The following ATRNL1 variants were observed in gnomAD, a reference collection of about 807,000 sequenced individuals.
ATRNL1 encodes the protein attractin-like protein 1.
Under a neutral mutation model 182.7 loss-of-function variants are expected in ATRNL1, and 95 were observed. That is an observed-to-expected ratio of 0.52 (90% CI 0.44 to 0.62). The LOEUF is 0.62. Among genes scored for constraint, ATRNL1 ranks in the 20% least tolerant of loss-of-function variants. ATRNL1 has a pLI of 0.00. For synonymous variants in ATRNL1, 576 were observed against 568.3 expected, an observed-to-expected ratio of 1.01 and a Z score of -0.19; for missense variants, 1,471 against 1,679.5, an observed-to-expected ratio of 0.88 and a Z score of 2.17.
intron 26 of ATRNL1, among the ~76,000 whole-genome samples, chr10:115,585,811 T>G (rs1268624721): frequency 1.5e-5 from 1 of 68,746 alleles, no homozygotes; most frequent in African/African-American, 6.5e-5. Context: ...ATTAGCTGGT[T>G]ATTTTGCTGG....
Position 115,308,734 on chromosome 10 carries a change from A to G in ATRNL1, c.2818+6691A>G, listed in dbSNP as rs138124812. On this transcript the variant is annotated intron_variant, in intron 17 of 28. Coordinates refer to ENST00000355044, the MANE Select transcript of ATRNL1 (RefSeq NM_207303.4). ...GCATAAGGTTTCTCATATATTATCT[A>G]TTTTGCTGTGTAGAAGCTTTTGAGT... Among the ~76,000 whole-genome samples, 1,269 of 151,978 alleles carry G rather than the reference A, an allele frequency of 8.3e-3. 13 individuals carry two copies. The highest frequency in any genetic ancestry group is 0.017 in the South Asian group (84 of 4,810).
In ATRNL1 at chr10:115,535,640, G is replaced by A. The variant is rs150270832; in HGVS notation, c.3717-13818G>A. On this transcript the variant is annotated intron_variant, in intron 25 of 28. Coordinates refer to ENST00000355044, the MANE Select transcript of ATRNL1 (RefSeq NM_207303.4). Reference sequence around the variant, plus strand: ...GTCATTCTCCGTCCAGCTTTGTTCCGTTGCTGGTGAGGAACTGCGTTCGTT... The same window carrying A: ...GTCATTCTCCGTCCAGCTTTGTTCCATTGCTGGTGAGGAACTGCGTTCGTT... Among the ~76,000 whole-genome samples, 429 of 152,218 alleles carry A rather than the reference G, an allele frequency of 2.8e-3. 4 individuals are homozygous for A. In the East Asian group the frequency reaches 0.038, roughly 13 times the overall value.
At chr10:115,849,378 C>A (rs1951001580) in intron 28 of ATRNL1, among the ~76,000 whole-genome samples, 1 of 152,032 alleles carries the variant, frequency 6.6e-6, no homozygotes, top group Non-Finnish European at 1.5e-5. Flanking sequence ...GGGATGATTT[C>A]CAAAACAAAC....
intron 26 of ATRNL1, among the ~76,000 whole-genome samples, chr10:115,640,434 C>T (rs1272372819): frequency 6.6e-6 from 1 of 152,084 alleles, no homozygotes; most frequent in African/African-American, 2.4e-5. Flanking sequence ...CCTTGCCAGC[C>T]TCTGTTGTTT....
At chr10:115,272,776 C>T (rs1851928408) in intron 13 of ATRNL1, among the ~76,000 whole-genome samples, 1 of 152,150 alleles carries the variant, frequency 6.6e-6, no homozygotes. Flanking sequence ...AAGCCCATTC[C>T]ACTGTTTTAT....
chr10:115,373,055 T>G (rs1857478904), intron 19 of ATRNL1, among the ~76,000 whole-genome samples: 1 of 152,248 alleles, frequency 6.6e-6, no homozygotes, highest in South Asian at 2.1e-4. Flanking sequence ...CATCAATGTT[T>G]TATAATTTTC....
chr10:115,464,058 T>G (rs781998957), intron 22 of ATRNL1, among the ~76,000 whole-genome samples: 35 of 152,168 alleles, frequency 2.3e-4, no homozygotes, highest in Non-Finnish European at 4.6e-4. Context: ...CAATCCCAAG[T>G]GCTTTCCAAT....
chr10:115,688,618 G>A, intron 26 of ATRNL1, among the ~76,000 whole-genome samples: 1 of 151,982 alleles, frequency 6.6e-6, no homozygotes, highest in East Asian at 1.9e-4. Flanking sequence ...GTCTTCTTTT[G>A]AGAAACAACT....
At chr10:115,838,910 A>C (rs1211415904) in intron 27 of ATRNL1, among the ~76,000 whole-genome samples, 2 of 152,158 alleles carry the variant, frequency 1.3e-5, no homozygotes, top group Non-Finnish European at 2.9e-5. Flanking sequence ...AGGTAGTTTC[A>C]TACATGCTTT....
chr10:115,717,528 T>G (rs1296245486), intron 26 of ATRNL1, among the ~76,000 whole-genome samples: 1 of 148,870 alleles, frequency 6.7e-6, no homozygotes, highest in Admixed American at 6.9e-5. Flanking sequence ...GTGCTTGATT[T>G]TCCCGCTGCC....
At position 115,947,180 on chromosome 10, in the gene ATRNL1, C is replaced by G. The variant is rs1032228198; in HGVS notation, c.*2401C>G. The G allele has an allele frequency of 6.5e-6, 1 of 152,674 alleles. No homozygotes were observed. Among genetic ancestry groups the G allele is most frequent in the South Asian group, 2.1e-4 (1 of 4,818 alleles). The allele number at this position is 152,674 out of a possible 1,614,324, so 9.5% of individuals were successfully genotyped here. A position where few individuals can be genotyped will look rare whatever the true frequency, so the allele number is the denominator to read the frequency against. ...CAGGTGAAGTGGATTGAAAAGACAT[C>G]AAGGATCAAGGATAATCACTTTGAA... is the stretch of plus-strand genomic sequence containing the variant. On this transcript the variant is annotated 3_prime_UTR_variant, in exon 29 of 29. Coordinates refer to ENST00000355044, the MANE Select transcript of ATRNL1 (RefSeq NM_207303.4).
intron 26 of ATRNL1, among the ~76,000 whole-genome samples, chr10:115,621,254 A>AATAT (rs781830067): frequency 0.024 from 1,732 of 70,834 alleles, 51 homozygotes; most frequent in East Asian, 0.092. Flanking sequence ...TTGAGCTCTG[A>AATAT]ATATATATAT....
At chr10:115,638,099 A>G (rs2133849478) in intron 26 of ATRNL1, among the ~76,000 whole-genome samples, 1 of 152,298 alleles carries the variant, frequency 6.6e-6, no homozygotes, top group Non-Finnish European at 1.5e-5. Context: ...CACCAAGAAC[A>G]ACTTCCAGTC....
intron 28 of ATRNL1, among the ~76,000 whole-genome samples, chr10:115,914,314 A>C (rs1374813551): frequency 6.6e-6 from 1 of 152,182 alleles, no homozygotes; most frequent in African/African-American, 2.4e-5. Flanking sequence ...GTGGTATATC[A>C]GGGAAGACAA....
chr10:115,798,703 GTTC>G (rs1163065329), intron 27 of ATRNL1, among the ~76,000 whole-genome samples: 1 of 151,996 alleles, frequency 6.6e-6, no homozygotes, highest in East Asian at 1.9e-4. Context: ...CTCCAATGGA[GTTC>G]TTCTTGAAAT....
intron 13 of ATRNL1, among the ~76,000 whole-genome samples, chr10:115,269,690 T>C (rs1851759313): frequency 6.6e-6 from 1 of 152,156 alleles, no homozygotes; most frequent in African/African-American, 2.4e-5. Context: ...TGGATACATA[T>C]TTCCAACTGA....
chr10:115,733,190 C>A (rs1012512149), intron 27 of ATRNL1, among the ~76,000 whole-genome samples: 2 of 152,058 alleles, frequency 1.3e-5, no homozygotes, highest in African/African-American at 4.8e-5. Flanking sequence ...CAGTTGTTTA[C>A]AGCATGATTA....
At chr10:115,646,654 T>C (rs1859633533) in intron 26 of ATRNL1, among the ~76,000 whole-genome samples, 1 of 151,554 alleles carries the variant, frequency 6.6e-6, no homozygotes, top group South Asian at 2.1e-4. Flanking sequence ...TGATAACCAT[T>C]GTTAATATTT....
At chr10:115,879,631 CTG>C (rs1333309003) in intron 28 of ATRNL1, among the ~76,000 whole-genome samples, 1 of 152,174 alleles carries the variant, frequency 6.6e-6, no homozygotes, top group African/African-American at 2.4e-5. Flanking sequence ...AAGCCCCTGA[CTG>C]TGGTAAATAA....
Sources: gnomAD v4.1 joint callset for allele counts (sites outside exome capture counted in the v4.1 genomes callset) on GRCh38, gnomAD v4.1.1 for gene constraint, MANE v1.5 for transcripts, NCBI Gene and HGNC (gene_info 2026-07-23, HGNC 2026-07-21) for gene names.